PPP2R2B: variants seen among roughly 807,000 people sequenced by gnomAD.
PPP2R2B encodes serine/threonine-protein phosphatase 2A 55 kDa regulatory subunit B beta isoform.
PPP2R2B carries 5 observed loss-of-function variants against 46.0 expected under a neutral mutation model. The ratio of observed to expected loss-of-function variants is 0.11; its 90% CI spans 0.06 to 0.23. The LOEUF (loss-of-function observed/expected upper bound fraction) is 0.23, where lower values mean the gene tolerates loss of function less well. PPP2R2B is among the 10% of genes least tolerant of loss of function. PPP2R2B has a pLI of 1.00. For synonymous variants in PPP2R2B, 215 were observed against 206.7 expected, an observed-to-expected ratio of 1.04 and a Z score of -0.34; for missense variants, 367 against 575.0, an observed-to-expected ratio of 0.64 and a Z score of 3.70.
chr5:147,072,803 T>A (rs111580764), intron 2 of PPP2R2B, among the ~76,000 whole-genome samples: 1 of 152,238 alleles, frequency 6.6e-6, no homozygotes, highest in African/African-American at 2.4e-5. Context: ...CCAGGGAACC[T>A]GAGCAAATAG....
chr5:146,631,642 C>T (rs751748602), intron 7 of PPP2R2B, among the ~76,000 whole-genome samples: 10 of 152,130 alleles, frequency 6.6e-5, no homozygotes, highest in Non-Finnish European at 1.5e-4. Flanking sequence ...GAATCAGGTA[C>T]CTCAATGCCT....
At chr5:146,705,459 G>A (rs1360469724) in intron 2 of PPP2R2B, among the ~76,000 whole-genome samples, 1 of 152,172 alleles carries the variant, frequency 6.6e-6, no homozygotes, top group Non-Finnish European at 1.5e-5. Flanking sequence ...GGGTGGTGGG[G>A]GAGGTAGGAT....
chr5:146,909,606 A>T (rs183695680), intron 1 of PPP2R2B, among the ~76,000 whole-genome samples: 2 of 152,376 alleles, frequency 1.3e-5, no homozygotes, highest in Non-Finnish European at 2.9e-5. Context: ...GGCATTCACT[A>T]TCTTAAACTG....
At chr5:146,722,636 T>C (rs1219884795) in intron 2 of PPP2R2B, among the ~76,000 whole-genome samples, 1 of 152,162 alleles carries the variant, frequency 6.6e-6, no homozygotes, top group Non-Finnish European at 1.5e-5. Flanking sequence ...TTTTTCTGGC[T>C]CAAATTCAGA....
At chr5:146,621,241 T>C (rs561828742) in intron 7 of PPP2R2B, among the ~76,000 whole-genome samples, 1 of 152,324 alleles carries the variant, frequency 6.6e-6, no homozygotes, top group Non-Finnish European at 1.5e-5. Flanking sequence ...TTCTTAAAGG[T>C]TCCTGGAGTT....
chr5:147,032,924 G>T (rs1200825092), intron 1 of PPP2R2B, among the ~76,000 whole-genome samples: 1 of 152,116 alleles, frequency 6.6e-6, no homozygotes, highest in South Asian at 2.1e-4. Context: ...GTTCTTTAAA[G>T]AATTTCCAAA....
At chr5:146,786,701 T>G (rs1755861622) in intron 2 of PPP2R2B, among the ~76,000 whole-genome samples, 1 of 152,258 alleles carries the variant, frequency 6.6e-6, no homozygotes, top group Non-Finnish European at 1.5e-5. Flanking sequence ...TTGGTTTGAT[T>G]CTCTCTGGCT....
At chr5:146,715,036 T>C (rs1780416693) in intron 2 of PPP2R2B, among the ~76,000 whole-genome samples, 1 of 152,206 alleles carries the variant, frequency 6.6e-6, no homozygotes, top group African/African-American at 2.4e-5. Flanking sequence ...TCCACATGGG[T>C]AGGCTGACCT....
intron 1 of PPP2R2B, among the ~76,000 whole-genome samples, chr5:146,896,820 T>C (rs1762659545): frequency 6.6e-6 from 1 of 152,066 alleles, no homozygotes; most frequent in African/African-American, 2.4e-5. Context: ...GAGAAGCTGT[T>C]TAGTATAATT....
At chr5:146,979,357 T>G (rs575273815) in intron 1 of PPP2R2B, among the ~76,000 whole-genome samples, 165 of 152,296 alleles carry the variant, frequency 1.1e-3, no homozygotes, top group African/African-American at 3.7e-3. Context: ...TTTATAAAAT[T>G]TCACACAATT....
intron 1 of PPP2R2B, among the ~76,000 whole-genome samples, chr5:147,023,161 A>T (rs1755367270): frequency 6.6e-6 from 1 of 152,228 alleles, no homozygotes; most frequent in South Asian, 2.1e-4. Flanking sequence ...ACAATCAGAA[A>T]GGGAAAGACA....
chr5:146,972,726 A>G (rs915286743), intron 1 of PPP2R2B, among the ~76,000 whole-genome samples: 1 of 152,160 alleles, frequency 6.6e-6, no homozygotes, highest in African/African-American at 2.4e-5. Context: ...AAACAAAAAC[A>G]AAAACAAAAT....
intron 2 of PPP2R2B, among the ~76,000 whole-genome samples, chr5:146,821,392 C>T (rs933972137): frequency 6.6e-6 from 1 of 152,204 alleles, no homozygotes; most frequent in Non-Finnish European, 1.5e-5. Flanking sequence ...CCTTGTAGAT[C>T]AAGCTCAAAG....
chr5:147,039,730 C>T (rs900975491), intron 1 of PPP2R2B, among the ~76,000 whole-genome samples: 4 of 152,112 alleles, frequency 2.6e-5, no homozygotes, highest in African/African-American at 9.7e-5. Flanking sequence ...ATTTTTAGTT[C>T]CCACCTTAAT....
At position 146,707,148 on chromosome 5, in the gene PPP2R2B, G is replaced by A. The variant is rs1779913805; in HGVS notation, c.71-6006C>T. The A allele has an allele frequency of 5.0e-6, 8 of 1,596,092 alleles. No individual in the cohort carries two copies. In the Admixed American group the frequency reaches 1.2e-4, roughly 23 times the overall value. On this transcript the variant is annotated intron_variant, in intron 2 of 9. Transcript: ENST00000394411. Reference sequence around the variant, plus strand: ...CCGCCTCCAGCTTCAGCTTCTCCTGGCCCAGAGTCTCCAGCTGCCGCCTAA... The same window carrying A: ...CCGCCTCCAGCTTCAGCTTCTCCTGACCCAGAGTCTCCAGCTGCCGCCTAA...
At chr5:146,708,706 A>T (rs1375501001) in intron 2 of PPP2R2B, among the ~76,000 whole-genome samples, 1 of 152,144 alleles carries the variant, frequency 6.6e-6, no homozygotes, top group African/African-American at 2.4e-5. Context: ...GGCACCAATA[A>T]TTATTTTCTT....
chr5:146,934,825 G>A (rs1431010958), intron 1 of PPP2R2B, among the ~76,000 whole-genome samples: 4 of 151,768 alleles, frequency 2.6e-5, no homozygotes, highest in Non-Finnish European at 5.9e-5. Flanking sequence ...ACAACATAGA[G>A]CACGTTCTTC....
intron 1 of PPP2R2B, among the ~76,000 whole-genome samples, chr5:147,014,437 G>A (rs970650404): frequency 3.3e-5 from 5 of 151,696 alleles, no homozygotes; most frequent in Admixed American, 1.3e-4. Context: ...ACATGCACAC[G>A]TATGTTTATT....
chr5:146,984,909 T>C (rs2151857667), intron 1 of PPP2R2B, among the ~76,000 whole-genome samples: 1 of 152,272 alleles, frequency 6.6e-6, no homozygotes, highest in African/African-American at 2.4e-5. Flanking sequence ...CCCTTGCTCC[T>C]TGTAAAATTC....
Sources: allele counts gnomAD v4.1 joint callset (sites outside exome capture counted in the v4.1 genomes callset), GRCh38; gene constraint gnomAD v4.1.1; transcripts MANE v1.5; gene names NCBI Gene and HGNC (gene_info 2026-07-23, HGNC 2026-07-21).